RANBP3: variants seen among roughly 807,000 people sequenced by gnomAD.
The protein encoded by RANBP3 is ran-binding protein 3.
Under a neutral mutation model 77.3 loss-of-function variants are expected in RANBP3, and 14 were observed. The observed-to-expected ratio is 0.18, with a 90% CI of 0.12 to 0.28. The LOEUF (loss-of-function observed/expected upper bound fraction) is 0.28. Among genes scored for constraint, RANBP3 ranks in the 10% least tolerant of loss-of-function variants. The pLI, the probability that RANBP3 is intolerant of heterozygous loss-of-function variation, is 1.00. For synonymous variants in RANBP3, 315 were observed against 312.4 expected, an observed-to-expected ratio of 1.01 and a Z score of -0.09; for missense variants, 586 against 752.3, an observed-to-expected ratio of 0.78 and a Z score of 2.59.
rs1272945991 is a variant in RANBP3 at position 5,924,362 on chromosome 19, C to A, written c.997-448G>T. Among the ~76,000 whole-genome samples, 2 of 152,230 alleles carry A rather than the reference C, an allele frequency of 1.3e-5. No individual in the cohort carries two copies. The highest frequency in any genetic ancestry group is 4.8e-5 in the African/African-American group (2 of 41,462). ...AGAGGTAGGCAAACCATTCTAGAACCCTCTCCCAGGCTGGCTGGGCTCCTG... is the reference window on the plus strand; with the variant it reads ...AGAGGTAGGCAAACCATTCTAGAACACTCTCCCAGGCTGGCTGGGCTCCTG... On this transcript the variant is annotated intron_variant, in intron 11 of 16. Transcript: ENST00000340578. The surrounding 1 kb of genome is among the most constrained non-coding windows in gnomAD (Gnocchi z 4.7).
chr19:5,940,563 G>A (rs1302962253), intron 5 of RANBP3, among the ~76,000 whole-genome samples: 1 of 152,262 alleles, frequency 6.6e-6, no homozygotes, highest in East Asian at 1.9e-4. Context: ...AAACAAGGGT[G>A]TGGAGGGGTG....
intron 8 of RANBP3, among the ~76,000 whole-genome samples, chr19:5,929,714 T>C (rs1195923443): frequency 7.2e-5 from 11 of 152,140 alleles, no homozygotes; most frequent in Admixed American, 7.2e-4. Flanking sequence ...CGATGAGCAG[T>C]GTGTGCCATG....
rs2057754028 is a variant in RANBP3 at position 5,917,505 on chromosome 19, T to G, written c.*105A>C. 1 of 1,305,228 alleles carries G rather than the reference T, an allele frequency of 7.7e-7. No homozygotes were observed. The allele number at this position is 1,305,228 out of a possible 1,614,324, so 80.9% of individuals were successfully genotyped here. ...ACTGTGGCCGGCCCAGTGGGGTGTG[T>G]GGTTCCCGGCCCCGCACCTGGACGC... On this transcript the variant is annotated 3_prime_UTR_variant, in exon 17 of 17. Coordinates refer to ENST00000340578, the MANE Select transcript of RANBP3 (RefSeq NM_007322.3).
chr19:5,926,718 G>C (rs1226517031), intron 9 of RANBP3, among the ~76,000 whole-genome samples: 1 of 152,100 alleles, frequency 6.6e-6, no homozygotes, highest in African/African-American at 2.4e-5. Context: ...CACAGGGCCT[G>C]AACTCCACAG....
At position 5,924,721 on chromosome 19, in the gene RANBP3, A is replaced by G. The variant is rs879237886; in HGVS notation, c.996+106T>C. On this transcript the variant is annotated intron_variant, in intron 11 of 16. Coordinates refer to ENST00000340578, the MANE Select transcript of RANBP3 (RefSeq NM_007322.3). The surrounding 1 kb of genome is among the most constrained non-coding windows in gnomAD (Gnocchi z 4.7). ...CTCACTTGCTACTGAAGGCATCCCC[A>G]TCTCACATAGGACGACACAGCAGCC... 2.6e-6 allele frequency: 3 copies of G among 1,161,776 alleles called. No homozygotes were observed. Among genetic ancestry groups the G allele is most frequent in the Non-Finnish European group, 3.9e-6 (3 of 776,188 alleles). 72.0% of individuals were successfully genotyped at this position (1,161,776 alleles called of 1,614,324 possible). A position where few individuals can be genotyped will look rare whatever the true frequency, so the allele number is the denominator to read the frequency against.
Position 5,955,768 on chromosome 19 carries a change from C to T in RANBP3, c.78+2150G>A, listed in dbSNP as rs1364801221. 6.6e-5 allele frequency among the ~76,000 whole-genome samples: 10 copies of T among 152,276 alleles called. No homozygotes were observed. In the East Asian group the frequency reaches 1.9e-3, roughly 29 times the overall value. On this transcript the variant is annotated intron_variant, in intron 2 of 16. Coordinates refer to ENST00000340578, the MANE Select transcript of RANBP3 (RefSeq NM_007322.3). Reference sequence around the variant, plus strand: ...CTCTGCAAGCCACACGGTCTCTGTCCAAATACTACTGCTGTAGCAGCCACA... The same window carrying T: ...CTCTGCAAGCCACACGGTCTCTGTCTAAATACTACTGCTGTAGCAGCCACA...
intron 1 of RANBP3, among the ~76,000 whole-genome samples, chr19:5,969,137 GAGCCCACAGGACGTTC>G (rs1470896904): frequency 6.6e-6 from 1 of 152,176 alleles, no homozygotes; most frequent in African/African-American, 2.4e-5. Flanking sequence ...GGGCTGGGTG[GAGCCCACAGGACGTTC>G]AGCCTTGCAG....
intron 14 of RANBP3, among the ~76,000 whole-genome samples, chr19:5,920,100 TAAAAC>T (rs2057798508): frequency 6.6e-6 from 1 of 151,936 alleles, no homozygotes; most frequent in Non-Finnish European, 1.5e-5. Flanking sequence ...TTTGGGAAGA[TAAAAC>T]AAAAAGATGG....
intron 13 of RANBP3, among the ~76,000 whole-genome samples, chr19:5,922,652 G>A (rs566156755): frequency 1.3e-5 from 2 of 152,356 alleles, no homozygotes; most frequent in South Asian, 4.1e-4. Flanking sequence ...CATCAAAAAT[G>A]TCTCGGGCTG....
Position 5,924,742 on chromosome 19 carries a change from C to T in RANBP3, c.996+85G>A. On this transcript the variant is annotated intron_variant, in intron 11 of 16. Coordinates refer to ENST00000340578, the MANE Select transcript of RANBP3 (RefSeq NM_007322.3). This position sits in a 1 kb window ranked among gnomAD's most constrained non-coding sequence, Gnocchi z 4.7. Reference sequence around the variant, plus strand: ...CCCCATCTCACATAGGACGACACAGCAGCCCTGCTCTCCATGTCCCCTTGA... The same window carrying T: ...CCCCATCTCACATAGGACGACACAGTAGCCCTGCTCTCCATGTCCCCTTGA... 7.4e-7 allele frequency: 1 copy of T among 1,344,186 alleles called. No individual in the cohort carries two copies. The highest frequency in any genetic ancestry group is 1.1e-6 in the Non-Finnish European group (1 of 937,190). 83.3% of individuals were successfully genotyped at this position (1,344,186 alleles called of 1,614,324 possible). A position where few individuals can be genotyped will look rare whatever the true frequency, so the allele number is the denominator to read the frequency against.
At chr19:5,925,607 G>T in intron 10 of RANBP3, 27 bp downstream of exon 10, 1 of 1,602,996 alleles carries the variant, frequency 6.2e-7, no homozygotes, top group Non-Finnish European at 8.5e-7. Context: ...GCCATGCCAG[G>T]CTGGCCGCTG....
Position 5,921,125 on chromosome 19 carries a change from C to A in RANBP3, c.1330+76G>T, listed in dbSNP as rs1334088176. The stretch of plus-strand genomic sequence containing the variant: ...GGTAGGGTCAGGATCTCCCCCGCTT[C>A]ATTCCCTTTGGAATTGCATAGTCCC... On this transcript the variant is annotated intron_variant, in intron 14 of 16. Transcript: ENST00000340578. The surrounding 1 kb of genome is among the most constrained non-coding windows in gnomAD (Gnocchi z 5.3). The A allele has an allele frequency of 3.9e-6, 6 of 1,522,890 alleles. No homozygotes were observed. Among genetic ancestry groups the A allele is most frequent in the Non-Finnish European group, 5.3e-6 (6 of 1,128,936 alleles). 94.3% of individuals were successfully genotyped at this position (1,522,890 alleles called of 1,614,324 possible). A position where few individuals can be genotyped will look rare whatever the true frequency, so the allele number is the denominator to read the frequency against.
chr19:5,933,618 C>G, intron 5 of RANBP3, 139 bp from the exon 6 acceptor site: 1 of 611,490 alleles, frequency 1.6e-6, no homozygotes, highest in Non-Finnish European at 2.8e-6. Context: ...TTCCAAATTA[C>G]AACAGAAGTC....
rs1352045298 is a variant in RANBP3 at position 5,951,493 on chromosome 19, T to G, written c.182A>C (p.His61Pro). The change falls in exon 3 of 17, where the codon CAT becomes CCT. Residue 61 changes from histidine to proline, a missense_variant. Physicochemically the swap from His to Pro is moderately conservative, Grantham distance 77. Coordinates refer to ENST00000340578, the MANE Select transcript of RANBP3 (RefSeq NM_007322.3). ...AGCAGGGGCAGGAGGTTCTAGGGCATGCTCGCCAGCTGACTCGGGGTGACC... is the reference window on the plus strand; with the variant it reads ...AGCAGGGGCAGGAGGTTCTAGGGCAGGCTCGCCAGCTGACTCGGGGTGACC... ...GTGHPESAGE[H>P]ALEPPAPAGA... 2 of 1,611,212 alleles carry G rather than the reference T, an allele frequency of 1.2e-6. No homozygotes were observed. Among genetic ancestry groups the G allele is most frequent in the South Asian group, 1.1e-5 (1 of 90,706 alleles).
intron 13 of RANBP3, 81 bp downstream of exon 13, chr19:5,923,113 A>G (rs755211777): frequency 8.0e-6 from 9 of 1,128,152 alleles, no homozygotes; most frequent in Non-Finnish European, 1.2e-5. Flanking sequence ...GTGTGCTCAG[A>G]GGATGTGGGC....
chr19:5,953,139 C>T (rs113486511), intron 2 of RANBP3, among the ~76,000 whole-genome samples: 199 of 152,290 alleles, frequency 1.3e-3, no homozygotes, highest in African/African-American at 4.6e-3. Flanking sequence ...GGATCAAATT[C>T]GTCATCTTTG....
rs183530380 is a variant in RANBP3, at chr19:5,924,615, C to T, written c.996+212G>A. The stretch of plus-strand genomic sequence containing the variant: ...TTGGCCCTGGTCAGCACGGAGGAGC[C>T]GGGAAAAGCGAATGCCAGTTCGTAG... On this transcript the variant is annotated intron_variant, in intron 11 of 16. Coordinates refer to ENST00000340578, the MANE Select transcript of RANBP3 (RefSeq NM_007322.3). The surrounding 1 kb of genome is among the most constrained non-coding windows in gnomAD (Gnocchi z 4.7). 3.9e-5 allele frequency among the ~76,000 whole-genome samples: 6 copies of T among 152,328 alleles called. No individual in the cohort carries two copies. Among genetic ancestry groups the T allele is most frequent in the South Asian group, 2.1e-4 (1 of 4,828 alleles).
chr19:5,959,697 T>C lies in RANBP3; in HGVS notation c.23-1724A>G, dbSNP rs2058376757. On this transcript the variant is annotated intron_variant, in intron 1 of 16. Coordinates refer to ENST00000340578, the MANE Select transcript of RANBP3 (RefSeq NM_007322.3). This position sits in a 1 kb window ranked among gnomAD's most constrained non-coding sequence, Gnocchi z 5.1. ...GCAATAAATGATGTCAAAGGAATGC[T>C]GGGGGACTCTGGGACAGAGCAGCAG... is the stretch of plus-strand genomic sequence containing the variant. Among the ~76,000 whole-genome samples, 7 of 152,086 alleles carry C rather than the reference T, an allele frequency of 4.6e-5. No homozygotes were observed. Among genetic ancestry groups the C allele is most frequent in the Admixed American group, 6.5e-5 (1 of 15,278 alleles).
intron 3 of RANBP3, among the ~76,000 whole-genome samples, chr19:5,943,144 C>G (rs1392309224): frequency 1.3e-5 from 2 of 152,200 alleles, no homozygotes; most frequent in Admixed American, 6.5e-5. Context: ...GAGGGCCGCT[C>G]CTCCTGGCGC....
Sources: gnomAD v4.1 joint callset for allele counts (sites outside exome capture counted in the v4.1 genomes callset) on GRCh38, gnomAD v4.1.1 for gene constraint, Gnocchi (gnomAD v3.1) non-coding constraint, MANE v1.5 for transcripts, NCBI Gene and HGNC (gene_info 2026-07-23, HGNC 2026-07-21) for gene names.